The following PCDHGA6 variants were observed in gnomAD, a reference collection of about 807,000 sequenced individuals.
PCDHGA6 encodes protocadherin gamma-A6.
Under a neutral mutation model 60.6 loss-of-function variants are expected in PCDHGA6, and 41 were observed. That is an observed-to-expected ratio of 0.68 (90% CI 0.53 to 0.88). PCDHGA6 has a LOEUF of 0.88. Among genes scored for constraint, PCDHGA6 ranks in the 40% least tolerant of loss-of-function variants. PCDHGA6 has a pLI of 0.00. For synonymous variants in PCDHGA6, 594 were observed against 524.4 expected (o/e 1.13, Z -1.81); for missense variants, 1,312 against 1,203.0 (o/e 1.09, Z -1.34).
chr5:141,421,207 A>G (rs1318794693), intron 1 of PCDHGA6: 3 of 1,533,934 alleles, frequency 2.0e-6, no homozygotes, highest in Non-Finnish European at 2.6e-6. Context: ...GAAACCGCGG[A>G]ATATCGGCTT....
chr5:141,380,968 A>T (rs1005346854), intron 1 of PCDHGA6, among the ~76,000 whole-genome samples: 1 of 152,270 alleles, frequency 6.6e-6, no homozygotes, highest in African/African-American at 2.4e-5. Flanking sequence ...AAGTACTATT[A>T]AACAAATAGA....
At chr5:141,399,254 G>A (rs2093775351) in intron 1 of PCDHGA6, 1 of 1,613,806 alleles carries the variant, frequency 6.2e-7, no homozygotes, top group East Asian at 2.2e-5. Context: ...GGGGAAAATG[G>A]GGAGGTTAAT....
intron 1 of PCDHGA6, among the ~76,000 whole-genome samples, chr5:141,406,629 A>G (rs2094832755): frequency 6.6e-6 from 1 of 152,188 alleles, no homozygotes; most frequent in Non-Finnish European, 1.5e-5. Context: ...TCATATCTTC[A>G]AAGGTCTTAA....
Position 141,486,954 on chromosome 5 carries a change from C to T in PCDHGA6, c.2425-7853C>T, listed in dbSNP as rs764632268. 3.7e-6 allele frequency: 6 copies of T among 1,614,114 alleles called. 1 individual carries two copies. The South Asian group carries it at 6.6e-5, about 18-fold the overall frequency. On this transcript the variant is annotated intron_variant, in intron 1 of 3. Coordinates refer to ENST00000517434, the MANE Select transcript of PCDHGA6 (RefSeq NM_018919.3). The surrounding 1 kb of genome is among the most constrained non-coding windows in gnomAD (Gnocchi z 5.0). ...GCTGGCCACCTAATCACAAAGGTGA[C>T]TGCTGTGGACTTGGATTCAGGTTAC...
chr5:141,462,375 T>G (rs2099038282), intron 1 of PCDHGA6, among the ~76,000 whole-genome samples: 1 of 152,252 alleles, frequency 6.6e-6, no homozygotes, highest in Non-Finnish European at 1.5e-5. Context: ...TTCTATTCTT[T>G]TAAATTCGTT....
At chr5:141,409,964 G>A (rs1042730924) in intron 1 of PCDHGA6, 5 of 1,613,300 alleles carry the variant, frequency 3.1e-6, no homozygotes, top group East Asian at 2.2e-5. Flanking sequence ...CGGCTACCTA[G>A]TGACTAAGGT....
intron 1 of PCDHGA6, chr5:141,403,168 G>A: frequency 1.2e-6 from 2 of 1,614,032 alleles, no homozygotes; most frequent in African/African-American, 1.3e-5. Context: ...GAGGTAGGAC[G>A]CAGCTTTTCT....
intron 1 of PCDHGA6, chr5:141,405,552 G>A (rs2094685427): frequency 1.6e-6 from 1 of 623,718 alleles, no homozygotes. Context: ...CCCAAGTAGA[G>A]TAGCTGGGAC....
chr5:141,385,520 G>A, intron 1 of PCDHGA6: 1 of 1,359,080 alleles, frequency 7.4e-7, no homozygotes, highest in African/African-American at 1.5e-5. Flanking sequence ...GAAAGCCTAT[G>A]GACAAGATTA....
chr5:141,398,683 C>A, intron 1 of PCDHGA6: 1 of 1,613,914 alleles, frequency 6.2e-7, no homozygotes, highest in Non-Finnish European at 8.5e-7. Flanking sequence ...TAAGGAGAAA[C>A]AGGATGGTAG....
chr5:141,400,233 C>G (rs373858401), intron 1 of PCDHGA6: 21 of 1,613,872 alleles, frequency 1.3e-5, no homozygotes, highest in Non-Finnish European at 1.8e-5. Context: ...TCCTCCTGGC[C>G]GTGATTCTGG....
Position 141,487,315 on chromosome 5 carries a change from G to C in PCDHGA6, c.2425-7492G>C, listed in dbSNP as rs568326280. On this transcript the variant is annotated intron_variant, in intron 1 of 3. Transcript: ENST00000517434. The surrounding 1 kb of genome is among the most constrained non-coding windows in gnomAD (Gnocchi z 5.0). ...GCTCATTCGTGGCACTACTCTCTAA[G>C]TGTCTTCGTGGGGCAGCCTGTGGAG... 6.2e-7 allele frequency: 1 copy of C among 1,614,166 alleles called. No individual in the cohort carries two copies. Among genetic ancestry groups the C allele is most frequent in the Admixed American group, 1.7e-5 (1 of 60,028 alleles).
chr5:141,388,637 T>G (rs993746447), intron 1 of PCDHGA6: 1 of 1,613,762 alleles, frequency 6.2e-7, no homozygotes, highest in Non-Finnish European at 8.5e-7. Context: ...GGGTGAGCCT[T>G]TCAGAAAACG....
intron 1 of PCDHGA6, chr5:141,393,947 G>T: frequency 6.2e-7 from 1 of 1,613,972 alleles, no homozygotes; most frequent in Non-Finnish European, 8.5e-7. Context: ...ACTCTGGAAA[G>T]AATGGTCAAG....
At chr5:141,474,156 A>T (rs1387216017) in intron 1 of PCDHGA6, among the ~76,000 whole-genome samples, 1 of 152,244 alleles carries the variant, frequency 6.6e-6, no homozygotes, top group Non-Finnish European at 1.5e-5. Context: ...CAAGAAAATG[A>T]CAGGCCTTAT....
chr5:141,449,471 G>A (rs1261821886), intron 1 of PCDHGA6, among the ~76,000 whole-genome samples: 1 of 151,060 alleles, frequency 6.6e-6, no homozygotes, highest in African/African-American at 2.4e-5. Flanking sequence ...GCCAGGCCTG[G>A]TACCCCATGC....
chr5:141,445,120 AT>A (rs1287463110), intron 1 of PCDHGA6, among the ~76,000 whole-genome samples: 1 of 152,228 alleles, frequency 6.6e-6, no homozygotes, highest in African/African-American at 2.4e-5. Flanking sequence ...TGTAAATAGT[AT>A]TTTTAAAATT....
intron 1 of PCDHGA6, chr5:141,423,830 G>A (rs527344048): frequency 5.5e-6 from 7 of 1,273,204 alleles, no homozygotes; most frequent in African/African-American, 3.1e-5. Flanking sequence ...CCTTTCATGA[G>A]ATTACGATAA....
chr5:141,425,845 GT>G (rs2096898477), intron 1 of PCDHGA6, among the ~76,000 whole-genome samples: 1 of 152,126 alleles, frequency 6.6e-6, no homozygotes, highest in Non-Finnish European at 1.5e-5. Context: ...TCTTTGCTGG[GT>G]TAATGACTGT....
Sources: gnomAD v4.1 joint callset for allele counts (sites outside exome capture counted in the v4.1 genomes callset) on GRCh38, gnomAD v4.1.1 for gene constraint, Gnocchi (gnomAD v3.1) non-coding constraint, MANE v1.5 for transcripts, NCBI Gene and HGNC (gene_info 2026-07-23, HGNC 2026-07-21) for gene names.